Variants in BCAT1 observed in about 807,000 individuals in gnomAD.
BCAT1 encodes branched-chain-amino-acid aminotransferase, cytosolic.
BCAT1 carries 48 observed loss-of-function variants against 52.4 expected under a neutral mutation model. That is an observed-to-expected ratio of 0.92 (90% confidence interval 0.73 to 1.16). The LOEUF (loss-of-function observed/expected upper bound fraction) is 1.16. Among genes scored for constraint, BCAT1 ranks in the 50% most tolerant of loss-of-function variants. The pLI is 0.00. For synonymous variants in BCAT1, 167 were observed against 161.3 expected (o/e 1.04, Z -0.27); for missense variants, 451 against 457.1 (o/e 0.99, Z 0.12).
chr12:24,901,303 T>G (rs1199911051), intron 2 of BCAT1, among the ~76,000 whole-genome samples: 4 of 152,210 alleles, frequency 2.6e-5, no homozygotes, highest in Non-Finnish European at 5.9e-5. Context: ...GATAGACTTA[T>G]AGAAAAAATA....
chr12:24,919,097 T>C (rs1943463463), intron 1 of BCAT1, among the ~76,000 whole-genome samples: 1 of 152,228 alleles, frequency 6.6e-6, no homozygotes, highest in African/African-American at 2.4e-5. Context: ...ATATATTTTA[T>C]AACACATGCA....
At chr12:24,855,483 C>A (rs935589096) in intron 5 of BCAT1, among the ~76,000 whole-genome samples, 5 of 152,104 alleles carry the variant, frequency 3.3e-5, no homozygotes, top group Non-Finnish European at 7.4e-5. Flanking sequence ...CAGGTTCAAG[C>A]GATTCTCCTG....
intron 7 of BCAT1, among the ~76,000 whole-genome samples, 157 bp downstream of exon 7, chr12:24,841,925 G>A (rs1941186975): frequency 6.6e-6 from 1 of 152,084 alleles, no homozygotes; most frequent in Non-Finnish European, 1.5e-5. Context: ...AGAAAAAAAA[G>A]AAACTTGTGT....
At chr12:24,859,356 C>T (rs1195156752) in intron 5 of BCAT1, among the ~76,000 whole-genome samples, 1 of 152,204 alleles carries the variant, frequency 6.6e-6, no homozygotes. Flanking sequence ...CGCAGTGGCT[C>T]ACGCCTGTAA....
At chr12:24,924,319 A>G (rs934084237) in intron 1 of BCAT1, among the ~76,000 whole-genome samples, 2 of 152,252 alleles carry the variant, frequency 1.3e-5, no homozygotes, top group South Asian at 2.1e-4. Context: ...AGTTAATGCT[A>G]AAGTCATCAG....
intron 1 of BCAT1, among the ~76,000 whole-genome samples, chr12:24,926,956 A>T (rs1943598705): frequency 7.0e-6 from 1 of 142,874 alleles, no homozygotes; most frequent in Admixed American, 7.0e-5. Context: ...ATGATCAATT[A>T]AAAAAAAAAA....
At chr12:24,832,007 A>T (rs897847974) in intron 9 of BCAT1, among the ~76,000 whole-genome samples, 1 of 152,240 alleles carries the variant, frequency 6.6e-6, no homozygotes, top group African/African-American at 2.4e-5. Flanking sequence ...TAATTCTTGT[A>T]AAGTGGTCTA....
intron 1 of BCAT1, among the ~76,000 whole-genome samples, chr12:24,930,352 G>A (rs1943659152): frequency 6.6e-6 from 1 of 152,206 alleles, no homozygotes; most frequent in East Asian, 1.9e-4. Context: ...CTTTTGAGGT[G>A]TTTCTATGAC....
intron 2 of BCAT1, among the ~76,000 whole-genome samples, chr12:24,894,758 A>T (rs1192413801): frequency 1.3e-5 from 2 of 152,214 alleles, no homozygotes; most frequent in Non-Finnish European, 2.9e-5. Context: ...GATGCAAAAA[A>T]AGAATACAAC....
At chr12:24,883,042 G>T (rs556319005) in intron 3 of BCAT1, among the ~76,000 whole-genome samples, 1 of 151,912 alleles carries the variant, frequency 6.6e-6, no homozygotes. Flanking sequence ...ATCCCAACAC[G>T]TTGGGAGGCC....
rs746352516 is a variant in BCAT1, at chr12:24,935,859, G to A, written c.6+13068C>T. Among the ~76,000 whole-genome samples, 29 of 152,252 alleles carry A rather than the reference G, an allele frequency of 1.9e-4. 1 individual carries two copies. Among genetic ancestry groups the A allele is most frequent in the Non-Finnish European group, 4.0e-4 (27 of 68,026 alleles). ...TTTTTCCTCCAGTTTCCCTAAACAT[G>A]GTCCTCATTTCTTTCTCAGCCCTCA... On this transcript the variant is annotated intron_variant, in intron 1 of 10. Transcript: ENST00000261192.
intron 1 of BCAT1, chr12:24,904,174 T>G (rs1243687788): frequency 1.3e-5 from 2 of 152,320 alleles, no homozygotes; most frequent in African/African-American, 4.8e-5. Context: ...CGAGTGTCCC[T>G]GGAAGTCCAG....
intron 5 of BCAT1, among the ~76,000 whole-genome samples, chr12:24,874,249 G>A (rs1245592158): frequency 6.6e-6 from 1 of 152,176 alleles, no homozygotes; most frequent in South Asian, 2.1e-4. Context: ...GGGAAGCAGA[G>A]GTTGCAATGA....
At chr12:24,933,886 C>T (rs1330189358) in intron 1 of BCAT1, among the ~76,000 whole-genome samples, 2 of 152,076 alleles carry the variant, frequency 1.3e-5, no homozygotes, top group East Asian at 3.9e-4. Flanking sequence ...CAGATTGGTT[C>T]AATCAGGTAT....
chr12:24,841,847 T>G (rs927605248), intron 7 of BCAT1, among the ~76,000 whole-genome samples: 1 of 151,990 alleles, frequency 6.6e-6, no homozygotes, highest in African/African-American at 2.4e-5. Context: ...TGCAGTGAGC[T>G]GAGATCACAC....
chr12:24,947,488 A>G (rs1011555131), intron 1 of BCAT1, among the ~76,000 whole-genome samples: 5 of 152,252 alleles, frequency 3.3e-5, no homozygotes, highest in Non-Finnish European at 7.3e-5. Flanking sequence ...ATAGCAATAC[A>G]TATTTAAGAG....
At chr12:24,860,506 T>C (rs928889200) in intron 5 of BCAT1, among the ~76,000 whole-genome samples, 1 of 152,236 alleles carries the variant, frequency 6.6e-6, no homozygotes, top group Admixed American at 6.5e-5. Context: ...TGAAAACTAT[T>C]TGTGAGTATT....
chr12:24,819,927 A>G (rs564361512), intron 10 of BCAT1, among the ~76,000 whole-genome samples: 1 of 152,332 alleles, frequency 6.6e-6, no homozygotes, highest in East Asian at 1.9e-4. Flanking sequence ...TGATTTATGT[A>G]TGATGTCAAC....
chr12:24,812,156 C>T lies in BCAT1; in HGVS notation c.*5852G>A, dbSNP rs1404610040. 1.3e-5 allele frequency: 2 copies of T among 152,060 alleles called. No homozygotes were observed. Among genetic ancestry groups the T allele is most frequent in the African/African-American group, 2.4e-5 (1 of 41,444 alleles). 9.4% of individuals were successfully genotyped at this position (152,060 alleles called of 1,614,324 possible). On this transcript the variant is annotated 3_prime_UTR_variant, in exon 11 of 11. Coordinates refer to ENST00000261192, the MANE Select transcript of BCAT1 (RefSeq NM_005504.7). ...CAAATTGAGGCAGAAATTTACATTCCTTTCTTAACCCTGAGAATGAGTTTA... is the reference window on the plus strand; with the variant it reads ...CAAATTGAGGCAGAAATTTACATTCTTTTCTTAACCCTGAGAATGAGTTTA...
Sources: allele counts gnomAD v4.1 joint callset (sites outside exome capture counted in the v4.1 genomes callset), GRCh38; gene constraint gnomAD v4.1.1; transcripts MANE v1.5; gene names NCBI Gene and HGNC (gene_info 2026-07-23, HGNC 2026-07-21).